The following AMPH variants were observed in gnomAD, a reference collection of about 807,000 sequenced individuals.
AMPH encodes the protein amphiphysin.
In AMPH, 49 loss-of-function variants were observed where a neutral mutation model predicts 99.1. The observed-to-expected ratio is 0.49, with a 90% CI of 0.39 to 0.63. The LOEUF is 0.63. Ranked by LOEUF, AMPH falls within the 20% of genes least tolerant of loss-of-function variation. The probability of loss-of-function intolerance (pLI) is 0.00; values close to 1 mark genes in which losing one functional copy is unlikely to be tolerated. For missense variants in AMPH, 759 were observed against 863.4 expected (o/e 0.88, Z 1.52); for synonymous variants, 314 against 317.3 (o/e 0.99, Z 0.11).
chr7:38,480,961 T>A (rs1562782708), intron 5 of AMPH, among the ~76,000 whole-genome samples: 1 of 152,194 alleles, frequency 6.6e-6, no homozygotes, highest in South Asian at 2.1e-4. Context: ...CAATAACTTT[T>A]AAGTCTTAGA....
intron 1 of AMPH, among the ~76,000 whole-genome samples, chr7:38,586,172 T>C (rs1377066536): frequency 6.6e-6 from 1 of 152,188 alleles, no homozygotes; most frequent in Non-Finnish European, 1.5e-5. Context: ...TGTTTAAATA[T>C]GAAAATTTTC....
chr7:38,567,367 A>T (rs962921031), intron 1 of AMPH, among the ~76,000 whole-genome samples: 3 of 152,108 alleles, frequency 2.0e-5, no homozygotes, highest in Non-Finnish European at 4.4e-5. Context: ...GGGCGGGAAC[A>T]TCACACAGCA....
chr7:38,533,983 C>T (rs903780599), intron 2 of AMPH, among the ~76,000 whole-genome samples: 4 of 152,174 alleles, frequency 2.6e-5, no homozygotes, highest in Admixed American at 6.5e-5. Context: ...TCTATATCCA[C>T]GTGTCTGTTA....
intron 1 of AMPH, 28 bp downstream of exon 1, chr7:38,631,255 G>A: frequency 1.3e-6 from 2 of 1,508,888 alleles, no homozygotes; most frequent in South Asian, 1.2e-5. Context: ...GGCGTCCCCG[G>A]CCCCAGCCCC....
At chr7:38,602,294 T>C (rs2129061782) in intron 1 of AMPH, among the ~76,000 whole-genome samples, 1 of 152,330 alleles carries the variant, frequency 6.6e-6, no homozygotes, top group South Asian at 2.1e-4. Flanking sequence ...TTTCTGTGTC[T>C]GTTTCCCATA....
At position 38,384,938 on chromosome 7, in the gene AMPH, G is replaced by A. The variant is rs76851151; in HGVS notation, c.1981-13C>T. ...GCCAGCCTGCATCCTGAAAAACAAT[G>A]ACAGAACTTTCAGGGTCCAGCAAAC... On this transcript the variant is annotated splice_polypyrimidine_tract_variant and intron_variant, in intron 20 of 20. Coordinates refer to ENST00000356264, the MANE Select transcript of AMPH (RefSeq NM_001635.4). 0.12 allele frequency: 194,344 copies of A among 1,610,280 alleles called. 12,787 individuals are homozygous for A. The highest frequency in any genetic ancestry group is 0.15 in the Middle Eastern group (914 of 6,048).
chr7:38,407,748 A>G (rs1227616121), intron 17 of AMPH, among the ~76,000 whole-genome samples: 1 of 152,210 alleles, frequency 6.6e-6, no homozygotes, highest in East Asian at 1.9e-4. Flanking sequence ...TGGCTATGGA[A>G]CACTTTATAC....
intron 15 of AMPH, among the ~76,000 whole-genome samples, chr7:38,425,644 G>A (rs1443805772): frequency 2.6e-5 from 4 of 152,154 alleles, no homozygotes; most frequent in Non-Finnish European, 5.9e-5. Context: ...AAGAGGGGGC[G>A]AATTGGGTGG....
chr7:38,463,809 G>A (rs982133236), intron 9 of AMPH, among the ~76,000 whole-genome samples: 16 of 152,190 alleles, frequency 1.1e-4, no homozygotes, highest in African/African-American at 3.6e-4. Context: ...CCAGACGCTC[G>A]GGAACAGCCC....
chr7:38,423,195 A>G (rs888715141), intron 15 of AMPH, among the ~76,000 whole-genome samples: 1 of 152,236 alleles, frequency 6.6e-6, no homozygotes, highest in African/African-American at 2.4e-5. Flanking sequence ...ATATTACTTA[A>G]GTGTTCCTTC....
At chr7:38,422,598 CT>C (rs1562742903) in intron 15 of AMPH, 121 bp from the exon 16 acceptor site, 56 of 698,616 alleles carry the variant, frequency 8.0e-5, no homozygotes, top group Middle Eastern at 2.7e-4. Context: ...ATCTATCTAT[CT>C]ATCCATCTAT....
intron 7 of AMPH, among the ~76,000 whole-genome samples, chr7:38,470,187 T>C (rs142340730): frequency 1.2e-4 from 19 of 152,312 alleles, no homozygotes; most frequent in African/African-American, 4.1e-4. Context: ...TTACCACAAC[T>C]ATGCCATCTT....
At chr7:38,434,591 T>C (rs1189924002) in intron 12 of AMPH, among the ~76,000 whole-genome samples, 2 of 151,948 alleles carry the variant, frequency 1.3e-5, no homozygotes, top group Admixed American at 1.3e-4. Flanking sequence ...TACAAAAAAT[T>C]AGCCAGTCGT....
At chr7:38,512,838 C>T (rs375929116) in intron 2 of AMPH, among the ~76,000 whole-genome samples, 16 of 152,172 alleles carry the variant, frequency 1.1e-4, no homozygotes, top group African/African-American at 3.6e-4. Context: ...AAGAGGTTAA[C>T]AGATAAACAA....
At chr7:38,407,296 G>T (rs190994593) in intron 17 of AMPH, among the ~76,000 whole-genome samples, 2,375 of 142,500 alleles carry the variant, frequency 0.017, 59 homozygotes, top group African/African-American at 0.057. Flanking sequence ...TCTATATAGA[G>T]AGAGAGAGAG....
chr7:38,609,298 G>A (rs1793542842), intron 1 of AMPH, among the ~76,000 whole-genome samples: 1 of 152,156 alleles, frequency 6.6e-6, no homozygotes, highest in African/African-American at 2.4e-5. Flanking sequence ...CTTCGATGGA[G>A]GTTTCCTTTT....
chr7:38,441,845 A>C, intron 11 of AMPH, among the ~76,000 whole-genome samples: 1 of 93,768 alleles, frequency 1.1e-5, no homozygotes, highest in African/African-American at 4.7e-5. Context: ...CATATATCAT[A>C]TATATCATAT....
At chr7:38,467,911 G>A (rs983871427) in intron 7 of AMPH, among the ~76,000 whole-genome samples, 1 of 152,162 alleles carries the variant, frequency 6.6e-6, no homozygotes, top group African/African-American at 2.4e-5. Flanking sequence ...AATTTAAATA[G>A]AAGGTGGGTA....
chr7:38,388,337 A>G (rs2128973007), intron 20 of AMPH, among the ~76,000 whole-genome samples: 2 of 152,136 alleles, frequency 1.3e-5, no homozygotes, highest in African/African-American at 4.8e-5. Flanking sequence ...TTGTATTGGT[A>G]ATTTATGCTT....
Sources: gnomAD v4.1 joint callset for allele counts (sites outside exome capture counted in the v4.1 genomes callset) on GRCh38, gnomAD v4.1.1 for gene constraint, MANE v1.5 for transcripts, NCBI Gene and HGNC (gene_info 2026-07-23, HGNC 2026-07-21) for gene names.